Variants in TUBB8B observed in about 807,000 individuals in gnomAD.
TUBB8B encodes HSA18p11 beta-tubulin 4Q pseudogene.
TUBB8B carries 26 observed loss-of-function variants against 31.9 expected under a neutral mutation model. The observed-to-expected ratio is 0.81, with a 90% confidence interval of 0.60 to 1.13. TUBB8B has a LOEUF of 1.13. Ranked by LOEUF, TUBB8B falls within the 50% of genes most tolerant of loss-of-function variation. The probability of loss-of-function intolerance (pLI) is 0.00; values close to 1 mark genes in which losing one functional copy is unlikely to be tolerated. For synonymous variants in TUBB8B, 173 were observed against 231.0 expected (o/e 0.75, Z 2.28); for missense variants, 467 against 586.7 (o/e 0.80, Z 2.11).
Position 47,239 on chromosome 18 carries a change from TTTA to T in TUBB8B, c.*148_*150del. 2 of 546,330 alleles carry T rather than the reference TTTA, an allele frequency of 3.7e-6. No individual in the cohort carries two copies. Among genetic ancestry groups the T allele is most frequent in the Non-Finnish European group, 6.4e-6 (2 of 314,650 alleles). 33.8% of individuals were successfully genotyped at this position (546,330 alleles called of 1,614,324 possible). On this transcript the variant is annotated 3_prime_UTR_variant, in exon 4 of 4. Transcript: ENST00000308911. ...GCAAAACCAGATGCTGTGAGAATAC[TTTA>T]TTAGTCAAAACCGCATACTATAAAA...
chr18:73,192 C>T, the TUBB8B span: 1 of 153,176 alleles, frequency 6.5e-6, no homozygotes, highest in Non-Finnish European at 1.5e-5. Context: ...GGTGACTCGC[C>T]CAAGCCTCCA....
At chr18:73,501 C>G in the TUBB8B span, 1 of 154,338 alleles carries the variant, frequency 6.5e-6, no homozygotes, top group Non-Finnish European at 1.5e-5. Context: ...CGCCGCCGTG[C>G]GGTTCGGACA....
the TUBB8B span, among the ~76,000 whole-genome samples, chr18:71,148 T>C: frequency 6.6e-6 from 1 of 151,836 alleles, no homozygotes; most frequent in African/African-American, 2.4e-5. Flanking sequence ...GGAGTATTGC[T>C]GGAGCCCGGG....
At chr18:67,715 G>C in the TUBB8B span, among the ~76,000 whole-genome samples, 32 of 152,158 alleles carry the variant, frequency 2.1e-4, no homozygotes, top group African/African-American at 7.7e-4. Flanking sequence ...TTTCAGAAGA[G>C]GTATCATACT....
chr18:58,926 T>G, the TUBB8B span, among the ~76,000 whole-genome samples: 1 of 151,726 alleles, frequency 6.6e-6, no homozygotes, highest in South Asian at 2.1e-4. Flanking sequence ...ATGGCAAAAG[T>G]TGAAGCAGAA....
In TUBB8B at chr18:47,903, G is replaced by A. The variant is rs768826196; in HGVS notation, c.822C>T (p.Thr274=). The A allele has an allele frequency of 1.3e-5, 21 of 1,611,156 alleles. No individual in the cohort carries two copies. The highest frequency in any genetic ancestry group is 1.7e-5 in the Non-Finnish European group (20 of 1,179,704). Residue 274 remains threonine (T), a synonymous_variant, in exon 4 of 4, where the codon ACC becomes ACT. Transcript: ENST00000308911. The part of the protein sequence containing the change: ...HFFMPGFAPL[T]SRGSQQYRAL... ...CCCGGTACTGCTGGCTGCCCCGGCTGGTCAGTGGGGCAAAGCCGGGCATGA... is the reference window on the plus strand; with the variant it reads ...CCCGGTACTGCTGGCTGCCCCGGCTAGTCAGTGGGGCAAAGCCGGGCATGA...
Position 49,546 on chromosome 18 carries a change from G to T in TUBB8B, c.12C>A (p.Ile4=), listed in dbSNP as rs62075716. The T allele has an allele frequency of 5.0e-6, 4 of 800,184 alleles. No homozygotes were observed. Among genetic ancestry groups the T allele is most frequent in the East Asian group, 2.9e-5 (1 of 34,960 alleles). The allele number at this position is 800,184 out of a possible 1,614,324, so 49.6% of individuals were successfully genotyped here. The change falls in exon 1 of 4, where the codon ATC becomes ATA. Residue 4 remains isoleucine (I), a synonymous_variant. Transcript: ENST00000308911. The part of the protein sequence containing the change: MRE[I]VLTQTGQCGN... Reference sequence around the variant, plus strand: ...CGCACTGCCCGGTCTGCGTGAGCACGATTTCCCTCATGGCCAAGGCAGGAT... The same window carrying T: ...CGCACTGCCCGGTCTGCGTGAGCACTATTTCCCTCATGGCCAAGGCAGGAT...
At chr18:56,625 T>C in the TUBB8B span, among the ~76,000 whole-genome samples, 2 of 151,924 alleles carry the variant, frequency 1.3e-5, no homozygotes, top group East Asian at 1.9e-4. Context: ...GTTTGTTGAC[T>C]GTTGGCATAT....
the TUBB8B span, among the ~76,000 whole-genome samples, chr18:69,035 A>G: frequency 6.6e-6 from 1 of 152,274 alleles, no homozygotes; most frequent in African/African-American, 2.4e-5. Flanking sequence ...AGAACAAAAC[A>G]TAATTATTTC....
chr18:63,641 C>A, the TUBB8B span, among the ~76,000 whole-genome samples: 1 of 151,368 alleles, frequency 6.6e-6, no homozygotes, highest in African/African-American at 2.4e-5. Context: ...AACCCTAACC[C>A]CAAACCCTAA....
the TUBB8B span, among the ~76,000 whole-genome samples, chr18:64,866 A>ACCC: frequency 2.0e-5 from 3 of 152,062 alleles, no homozygotes; most frequent in African/African-American, 7.2e-5. Context: ...TTTTTCCCCT[A>ACCC]AACTTCTAAT....
Position 49,021 on chromosome 18 carries a change from C to T in TUBB8B, c.196G>A (p.Val66Met), listed in dbSNP as rs780924282. 1.2e-6 allele frequency: 2 copies of T among 1,608,948 alleles called. No individual in the cohort carries two copies. Among genetic ancestry groups the T allele is most frequent in the Non-Finnish European group, 1.7e-6 (2 of 1,177,816 alleles). Residue 66 changes from valine to methionine, a missense_variant, in exon 3 of 4, where the codon GTG (valine) becomes ATG (methionine). Transcript: ENST00000308911. ...TCCATGGTGCCCGGCTCCAGATCCA[C>T]GAGCACAGCGCGGGGCACGTACCTG... is the stretch of plus-strand genomic sequence containing the variant. ...GGRYVPRAVL[V>M]DLEPGTMDSV... is the part of the protein sequence containing the mutation.
At chr18:68,023 A>T in the TUBB8B span, among the ~76,000 whole-genome samples, 2 of 152,230 alleles carry the variant, frequency 1.3e-5, no homozygotes, top group Non-Finnish European at 2.9e-5. Flanking sequence ...CTGATATTGC[A>T]GCCGCAATAC....
Position 47,520 on chromosome 18 carries a change from C to T in TUBB8B, c.1205G>A (p.Gly402Asp), listed in dbSNP as rs1905671261. 1 of 1,599,546 alleles carries T rather than the reference C, an allele frequency of 6.3e-7. No individual in the cohort carries two copies. The highest frequency in any genetic ancestry group is 1.1e-5 in the South Asian group (1 of 90,754). Reference protein sequence around the residue: ...KAFLHWYTGEGMDEMEFTEAE... With the variant: ...KAFLHWYTGEDMDEMEFTEAE... ...CTCGGTGAATTCCATCTCATCCATGCCCTCGCCCGTGTACCAGTGGAGGAA... is the reference window on the plus strand; with the variant it reads ...CTCGGTGAATTCCATCTCATCCATGTCCTCGCCCGTGTACCAGTGGAGGAA... The change falls in exon 4 of 4, where the codon GGC becomes GAC. Residue 402 changes from glycine (G) to aspartate (D), a missense_variant. By Grantham distance (94) the Gly-to-Asp change is moderately conservative (BLOSUM62 -1). This residue lies in a region of TUBB8B where 208 missense variants were observed against 206.7 expected (regional missense o/e 1.01). Coordinates refer to ENST00000308911, the MANE Select transcript of TUBB8B (RefSeq NM_001358689.2).
At chr18:61,026 A>G in the TUBB8B span, among the ~76,000 whole-genome samples, 1 of 151,706 alleles carries the variant, frequency 6.6e-6, no homozygotes, top group Admixed American at 6.6e-5. Context: ...TCTGTCTGGA[A>G]GGTCTATCCA....
chr18:71,232 TAA>T, the TUBB8B span, among the ~76,000 whole-genome samples: 3 of 144,208 alleles, frequency 2.1e-5, no homozygotes, highest in African/African-American at 5.1e-5. Flanking sequence ...CCTTCTCTCT[TAA>T]AAAAAAAAAA....
chr18:72,939 C>T, the TUBB8B span, among the ~76,000 whole-genome samples: 1 of 152,120 alleles, frequency 6.6e-6, no homozygotes, highest in Non-Finnish European at 1.5e-5. Flanking sequence ...TGCACTCCAA[C>T]CTGGGAAACG....
In TUBB8B at chr18:47,769, C is replaced by A; in HGVS notation, c.956G>T (p.Gly319Val). The change falls in exon 4 of 4, where the codon GGT becomes GTT. Residue 319 changes from glycine to valine, a missense_variant. By Grantham distance (109) the Gly-to-Val change is moderately radical. Transcript: ENST00000308911. Reference sequence around the variant, plus strand: ...ATCCACCTCCCTCATGGGCATGCGACCCCTGAAAATGGCAGCCACCGTTAG... The same window carrying A: ...ATCCACCTCCCTCATGGGCATGCGAACCCTGAAAATGGCAGCCACCGTTAG... ...CYLTVAAIFRGRMPMREVDEQ... is the reference protein window; with the variant it reads ...CYLTVAAIFRVRMPMREVDEQ... 6.2e-7 allele frequency: 1 copy of A among 1,611,694 alleles called. No homozygotes were observed. Among genetic ancestry groups the A allele is most frequent in the Non-Finnish European group, 8.5e-7 (1 of 1,179,392 alleles).
the TUBB8B span, among the ~76,000 whole-genome samples, chr18:55,001 TTTAA>T: frequency 1.3e-5 from 2 of 152,092 alleles, no homozygotes; most frequent in African/African-American, 4.8e-5. Flanking sequence ...TTGTCCACTC[TTTAA>T]TTGATTATAT....
Sources: gnomAD v4.1 joint callset for allele counts (sites outside exome capture counted in the v4.1 genomes callset) on GRCh38, gnomAD v4.1.1 for gene constraint, gnomAD v4.1.1 regional missense constraint, MANE v1.5 for transcripts, NCBI Gene and HGNC (gene_info 2026-07-23, HGNC 2026-07-21) for gene names.